MAML3: variants seen among roughly 807,000 people sequenced by gnomAD.
MAML3 encodes mastermind like transcriptional coactivator 3.
Under a neutral mutation model 101.9 loss-of-function variants are expected in MAML3, and 27 were observed. The observed-to-expected ratio is 0.27, with a 90% confidence interval of 0.20 to 0.37. The LOEUF (loss-of-function observed/expected upper bound fraction) is 0.37. Ranked by LOEUF, MAML3 falls within the 10% of genes least tolerant of loss-of-function variation. The pLI, the probability that MAML3 is intolerant of heterozygous loss-of-function variation, is 1.00. For missense variants in MAML3, 1,316 were observed against 1,444.9 expected, an observed-to-expected ratio of 0.91 and a Z score of 1.45; for synonymous variants, 501 against 555.9, an observed-to-expected ratio of 0.90 and a Z score of 1.39.
intron 2 of MAML3, among the ~76,000 whole-genome samples, chr4:139,864,815 G>C (rs1731861733): frequency 6.7e-6 from 1 of 148,532 alleles, no homozygotes; most frequent in South Asian, 2.1e-4. Context: ...ATGTTACGCA[G>C]AATTATAGGA....
chr4:139,922,194 T>A (rs1733142541), intron 1 of MAML3, among the ~76,000 whole-genome samples: 1 of 152,130 alleles, frequency 6.6e-6, no homozygotes. Context: ...CTCCCCCTTC[T>A]GCTCCCTTCA....
chr4:139,867,783 T>A (rs911984323), intron 2 of MAML3, among the ~76,000 whole-genome samples: 3 of 152,246 alleles, frequency 2.0e-5, no homozygotes, highest in Non-Finnish European at 4.4e-5. Flanking sequence ...ATGTATGAAA[T>A]TCAAGGATAG....
intron 1 of MAML3, among the ~76,000 whole-genome samples, chr4:139,915,661 C>A (rs1291494149): frequency 1.6e-4 from 24 of 152,120 alleles, no homozygotes; most frequent in Admixed American, 1.4e-3. Flanking sequence ...CATCCAGTAT[C>A]CCTTGTAAGT....
intron 2 of MAML3, among the ~76,000 whole-genome samples, chr4:139,779,741 A>G (rs1417426582): frequency 6.6e-6 from 1 of 152,246 alleles, no homozygotes; most frequent in African/African-American, 2.4e-5. Context: ...TTTCATTTTC[A>G]GCCACAGCTG....
chr4:139,840,900 T>C (rs559587013), intron 2 of MAML3, among the ~76,000 whole-genome samples: 1 of 152,338 alleles, frequency 6.6e-6, no homozygotes, highest in East Asian at 1.9e-4. Context: ...TAGAGTCACA[T>C]GTGGCAAAAG....
At chr4:140,134,353 C>T (rs1202443231) in intron 1 of MAML3, 3 of 456,560 alleles carry the variant, frequency 6.6e-6, no homozygotes, top group South Asian at 1.5e-5. Context: ...AAGAAGAAAA[C>T]AGAACCCCAA....
chr4:139,961,388 G>T (rs562940724), intron 1 of MAML3, among the ~76,000 whole-genome samples: 1 of 152,264 alleles, frequency 6.6e-6, no homozygotes, highest in East Asian at 1.9e-4. Context: ...TTTTCAAAAA[G>T]CTCAAGGGTA....
In MAML3 at chr4:139,717,344, G is replaced by GTAAT. The variant is rs1553949970; in HGVS notation, c.*1975_*1978dup. Reference sequence around the variant, plus strand: ...TATTTCCTGTACCTTTCAGGAAAAGGTAATTATGTTTTGTGTCTTCTCATT... The same window carrying GTAAT: ...TATTTCCTGTACCTTTCAGGAAAAGGTAATTAATTATGTTTTGTGTCTTCTCATT... On this transcript the variant is annotated 3_prime_UTR_variant, in exon 5 of 5. Coordinates refer to ENST00000509479, the MANE Select transcript of MAML3 (RefSeq NM_018717.5). 6.6e-6 allele frequency: 1 copy of GTAAT among 152,576 alleles called. No homozygotes were observed. Among genetic ancestry groups the GTAAT allele is most frequent in the African/African-American group, 2.4e-5 (1 of 41,440 alleles). The allele number at this position is 152,576 out of a possible 1,614,324, so 9.5% of individuals were successfully genotyped here. A position where few individuals can be genotyped will look rare whatever the true frequency, so the allele number is the denominator to read the frequency against.
At chr4:140,074,219 A>AAGAGAGAGAGAGAGAGAAAGAAAG (rs1313742348) in intron 1 of MAML3, among the ~76,000 whole-genome samples, 960 of 57,078 alleles carry the variant, frequency 0.017, 11 homozygotes, top group Non-Finnish European at 0.03. Flanking sequence ...GAAAGAAAGA[A>AAGAGAGAGAGAGAGAGAAAGAAAG]AGAAAGAAAG....
At chr4:139,856,737 A>G (rs1226721753) in intron 2 of MAML3, among the ~76,000 whole-genome samples, 1 of 152,244 alleles carries the variant, frequency 6.6e-6, no homozygotes, top group Non-Finnish European at 1.5e-5. Flanking sequence ...GTACAGGAGA[A>G]TTATGGTGTC....
chr4:139,991,077 A>C (rs1734663134), intron 1 of MAML3, among the ~76,000 whole-genome samples: 1 of 152,206 alleles, frequency 6.6e-6, no homozygotes, highest in African/African-American at 2.4e-5. Context: ...GAACCAAAAG[A>C]GAGCCCGCAT....
intron 1 of MAML3, among the ~76,000 whole-genome samples, 176 bp downstream of exon 1, chr4:140,152,684 A>G (rs913830691): frequency 6.6e-6 from 1 of 151,716 alleles, no homozygotes; most frequent in African/African-American, 2.4e-5. Context: ...ATTAACAGGT[A>G]GCGACGACGG....
intron 2 of MAML3, among the ~76,000 whole-genome samples, chr4:139,756,026 C>G (rs1473087412): frequency 3.9e-5 from 6 of 152,084 alleles, no homozygotes; most frequent in African/African-American, 1.2e-4. Context: ...AAAGTTAACT[C>G]AAAAGTTATC....
chr4:139,775,120 A>G (rs913826408), intron 2 of MAML3, among the ~76,000 whole-genome samples: 3 of 152,180 alleles, frequency 2.0e-5, no homozygotes, highest in African/African-American at 7.2e-5. Context: ...GCTGCATGGT[A>G]TATGATTCTC....
intron 2 of MAML3, among the ~76,000 whole-genome samples, chr4:139,742,439 G>A (rs1300287995): frequency 6.6e-6 from 1 of 152,142 alleles, no homozygotes; most frequent in African/African-American, 2.4e-5. Context: ...GAGAGCCACC[G>A]CACCTGGCCG....
intron 4 of MAML3, among the ~76,000 whole-genome samples, chr4:139,722,022 A>C (rs1330289719): frequency 6.6e-6 from 1 of 152,184 alleles, no homozygotes; most frequent in Non-Finnish European, 1.5e-5. Flanking sequence ...AAATTATATA[A>C]ACAGTCTGAT....
intron 1 of MAML3, among the ~76,000 whole-genome samples, chr4:140,043,395 A>T (rs1475277796): frequency 6.6e-6 from 1 of 152,186 alleles, no homozygotes; most frequent in Non-Finnish European, 1.5e-5. Context: ...TTTACTTTAT[A>T]GGAATGCCGA....
At chr4:139,771,415 T>C (rs991060470) in intron 2 of MAML3, among the ~76,000 whole-genome samples, 1 of 152,204 alleles carries the variant, frequency 6.6e-6, no homozygotes, top group Non-Finnish European at 1.5e-5. Context: ...AAACATCAGG[T>C]AGTGAAGAAG....
intron 2 of MAML3, among the ~76,000 whole-genome samples, chr4:139,888,822 C>CA (rs1243726655): frequency 6.6e-6 from 1 of 152,186 alleles, no homozygotes; most frequent in Non-Finnish European, 1.5e-5. Flanking sequence ...TAAGGTCCTA[C>CA]AAAAATCTAC....
Sources: gnomAD v4.1 joint callset for allele counts (sites outside exome capture counted in the v4.1 genomes callset) on GRCh38, gnomAD v4.1.1 for gene constraint, MANE v1.5 for transcripts, NCBI Gene and HGNC (gene_info 2026-07-23, HGNC 2026-07-21) for gene names.